ARHGAP39: variants seen among roughly 807,000 people sequenced by gnomAD.
ARHGAP39 encodes Rho GTPase activating protein 39.
A neutral mutation model predicts 106.9 loss-of-function variants in ARHGAP39; 44 were observed. That is an observed-to-expected ratio of 0.41 (90% CI 0.32 to 0.53). The LOEUF is 0.53. Among genes scored for constraint, ARHGAP39 ranks in the 20% least tolerant of loss-of-function variants. ARHGAP39 has a pLI of 0.21. For missense variants in ARHGAP39, 1,496 were observed against 1,577.3 expected (o/e 0.95, Z 0.87); for synonymous variants, 768 against 693.2 (o/e 1.11, Z -1.69).
chr8:144,627,890 G>A (rs553634962), intron 1 of ARHGAP39, among the ~76,000 whole-genome samples: 9 of 152,304 alleles, frequency 5.9e-5, no homozygotes, highest in African/African-American at 9.6e-5. Flanking sequence ...CAGGCACTCC[G>A]ACTGCTGGCT....
intron 3 of ARHGAP39, among the ~76,000 whole-genome samples, chr8:144,579,130 A>C (rs2130896452): frequency 7.2e-6 from 1 of 138,174 alleles, no homozygotes; most frequent in Non-Finnish European, 1.5e-5. Flanking sequence ...TGAACCCGGG[A>C]GGCGGAACTT....
At chr8:144,537,469 C>G (rs1185025891) in intron 7 of ARHGAP39, among the ~76,000 whole-genome samples, 1 of 152,128 alleles carries the variant, frequency 6.6e-6, no homozygotes, top group Non-Finnish European at 1.5e-5. Flanking sequence ...TGCCCCCACC[C>G]CATCAAGAAC....
chr8:144,650,492 T>C (rs1234077038), intron 1 of ARHGAP39, among the ~76,000 whole-genome samples: 1 of 152,130 alleles, frequency 6.6e-6, no homozygotes, highest in African/African-American at 2.4e-5. Context: ...TGCACATTGA[T>C]GCAAAAATCC....
intron 2 of ARHGAP39, among the ~76,000 whole-genome samples, chr8:144,595,243 C>T (rs773761474): frequency 3.3e-5 from 5 of 152,188 alleles, no homozygotes; most frequent in African/African-American, 1.2e-4. Flanking sequence ...CATCCCTACA[C>T]GGGAATATTG....
intron 3 of ARHGAP39, among the ~76,000 whole-genome samples, chr8:144,559,128 A>G (rs1818049337): frequency 6.6e-6 from 1 of 152,036 alleles, no homozygotes; most frequent in Non-Finnish European, 1.5e-5. Context: ...GAATGGCGTG[A>G]ACCCAGGGGG....
chr8:144,663,427 CTGAG>C (rs748709642), intron 1 of ARHGAP39, among the ~76,000 whole-genome samples: 3 of 152,058 alleles, frequency 2.0e-5, no homozygotes, highest in Non-Finnish European at 2.9e-5. Context: ...CTCAAGGGAA[CTGAG>C]TGAGAAGTCC....
intron 2 of ARHGAP39, among the ~76,000 whole-genome samples, chr8:144,600,389 T>G (rs1433332404): frequency 6.9e-6 from 1 of 145,504 alleles, no homozygotes; most frequent in East Asian, 2.1e-4. Context: ...TACCTGCGTG[T>G]GTGGAGGCGT....
intron 2 of ARHGAP39, among the ~76,000 whole-genome samples, chr8:144,601,389 CGT>C (rs781595811): frequency 4.1e-4 from 44 of 107,832 alleles, no homozygotes; most frequent in South Asian, 1.7e-3. Context: ...TGCGTTGAGG[CGT>C]GTGTGCTCGT....
rs1391074901 is a variant in ARHGAP39, at chr8:144,547,112, C to T, written c.1959+15G>A. ...CCCAGGCTCTCAAGCTCAGCCGCGC[C>T]CATTGGGCCCTCACCTGTGAGGGGT... is the stretch of plus-strand genomic sequence containing the variant. On this transcript the variant is annotated intron_variant, in intron 5 of 11. Coordinates refer to ENST00000377307, the MANE Select transcript of ARHGAP39 (RefSeq NM_025251.3). This position sits in a 1 kb window ranked among gnomAD's most constrained non-coding sequence, Gnocchi z 5.2. The T allele has an allele frequency of 3.8e-6, 6 of 1,563,486 alleles. No homozygotes were observed. Among genetic ancestry groups the T allele is most frequent in the Non-Finnish European group, 5.2e-6 (6 of 1,154,686 alleles).
At position 144,533,302 on chromosome 8, in the gene ARHGAP39, C is replaced by T; in HGVS notation, c.2712G>A (p.Glu904=). 1 of 1,613,084 alleles carries T rather than the reference C, an allele frequency of 6.2e-7. No individual in the cohort carries two copies. Among genetic ancestry groups the T allele is most frequent in the Non-Finnish European group, 8.5e-7 (1 of 1,179,952 alleles). The change falls in exon 9 of 12, where the codon GAG becomes GAA. Residue 904 remains glutamate (E), a synonymous_variant. Coordinates refer to ENST00000377307, the MANE Select transcript of ARHGAP39 (RefSeq NM_025251.3). ...AKKGLKKPNV[E]EIRHAKNAVF... ...CGGCGTTCTTGGCATGCCGGATCTC[C>T]TCCACGTTGGGCTTCTTCAGCCCCT...
At chr8:144,609,377 A>G (rs1372451922) in intron 1 of ARHGAP39, among the ~76,000 whole-genome samples, 2 of 147,070 alleles carry the variant, frequency 1.4e-5, no homozygotes, top group African/African-American at 5.0e-5. Context: ...ATAAATGCCA[A>G]TTGGTCACGA....
chr8:144,592,085 T>C (rs1278324819), intron 2 of ARHGAP39, among the ~76,000 whole-genome samples: 2 of 152,164 alleles, frequency 1.3e-5, no homozygotes, highest in Non-Finnish European at 2.9e-5. Context: ...GTAATACCAA[T>C]TGTTATTTTT....
rs369094032 is a variant in ARHGAP39 at position 144,605,494 on chromosome 8, C to A, written c.80+41G>T. The A allele has an allele frequency of 2.6e-4, 415 of 1,603,366 alleles. 6 individuals carry two copies. In the South Asian group the frequency reaches 4.2e-3, roughly 16 times the overall value. The stretch of plus-strand genomic sequence containing the variant: ...CAGGAAGAAAGCAGTTCCACCCACT[C>A]GTGAGGCCCGGGCAGCTCCGCAGGT... On this transcript the variant is annotated intron_variant, in intron 2 of 11. Coordinates refer to ENST00000377307, the MANE Select transcript of ARHGAP39 (RefSeq NM_025251.3).
rs376990433 is a variant in ARHGAP39 at position 144,603,045 on chromosome 8, G to A, written c.80+2490C>T. Among the ~76,000 whole-genome samples the A allele has an allele frequency of 4.5e-4, 65 of 145,228 alleles. 1 individual carries two copies. The highest frequency in any genetic ancestry group is 7.1e-4 in the Non-Finnish European group (48 of 67,186). Reference sequence around the variant, plus strand: ...TGTATCTGTGTGCGTGCGTGGAGGCGTGTGTGTGAGCTCGTGTACCTGTGT... The same window carrying A: ...TGTATCTGTGTGCGTGCGTGGAGGCATGTGTGTGAGCTCGTGTACCTGTGT... On this transcript the variant is annotated intron_variant, in intron 2 of 11. Transcript: ENST00000377307.
Position 144,530,514 on chromosome 8 carries a change from G to C in ARHGAP39, c.3253C>G (p.Arg1085Gly). Residue 1085 changes from arginine to glycine, a missense_variant, in exon 12 of 12, where the codon CGC becomes GGC. Arg to Gly is a moderately radical substitution (Grantham distance 125, BLOSUM62 -2). Coordinates refer to ENST00000377307, the MANE Select transcript of ARHGAP39 (RefSeq NM_025251.3). ...TTGCGGGTGTTCTCGAAGATGACGCGCGGGTCGTCGGACTGGCAGCGCAAG... is the reference window on the plus strand; with the variant it reads ...TTGCGGGTGTTCTCGAAGATGACGCCCGGGTCGTCGGACTGGCAGCGCAAG... ...NCLRCQSDDP[R>G]VIFENTRKEM... 1 of 1,612,102 alleles carries C rather than the reference G, an allele frequency of 6.2e-7. No homozygotes were observed. Among genetic ancestry groups the C allele is most frequent in the Non-Finnish European group, 8.5e-7 (1 of 1,179,686 alleles).
intron 4 of ARHGAP39, among the ~76,000 whole-genome samples, chr8:144,549,516 C>A (rs951391808): frequency 2.6e-5 from 4 of 152,058 alleles, no homozygotes; most frequent in Non-Finnish European, 5.9e-5. Context: ...TTTTTTGAGA[C>A]GGAGTCTTGC....
intron 1 of ARHGAP39, 61 bp from the exon 2 acceptor site, chr8:144,605,756 G>T: frequency 1.3e-6 from 1 of 785,140 alleles, no homozygotes; most frequent in Non-Finnish European, 2.1e-6. Flanking sequence ...CCAATCACCC[G>T]GCCCAGCCCA....
intron 1 of ARHGAP39, among the ~76,000 whole-genome samples, chr8:144,617,794 T>C (rs1162500039): frequency 6.6e-6 from 1 of 152,196 alleles, no homozygotes; most frequent in Non-Finnish European, 1.5e-5. Flanking sequence ...TTCCTCTGCC[T>C]TTTTTGAGGC....
chr8:144,599,669 A>G (rs1819770194), intron 2 of ARHGAP39, among the ~76,000 whole-genome samples: 1 of 152,208 alleles, frequency 6.6e-6, no homozygotes, highest in African/African-American at 2.4e-5. Context: ...GGACAAAAAA[A>G]TCTCTAACTG....
Sources: allele counts gnomAD v4.1 joint callset (sites outside exome capture counted in the v4.1 genomes callset), GRCh38; gene constraint gnomAD v4.1.1; non-coding constraint Gnocchi (gnomAD v3.1); transcripts MANE v1.5; gene names NCBI Gene and HGNC (gene_info 2026-07-23, HGNC 2026-07-21).